TTC3: variants seen among roughly 807,000 people sequenced by gnomAD.
The protein encoded by TTC3 is tetratricopeptide repeat domain 3.
TTC3 carries 180 observed loss-of-function variants against 249.6 expected under a neutral mutation model. The ratio of observed to expected loss-of-function variants is 0.72; its 90% CI spans 0.64 to 0.82. The LOEUF (loss-of-function observed/expected upper bound fraction) is 0.82. Among genes scored for constraint, TTC3 ranks in the 40% least tolerant of loss-of-function variants. The pLI is 0.00. For synonymous variants in TTC3, 717 were observed against 805.0 expected, an observed-to-expected ratio of 0.89 and a Z score of 1.85; for missense variants, 2,061 against 2,398.4, an observed-to-expected ratio of 0.86 and a Z score of 2.94.
chr21:37,096,131 A>G (rs2073919573), intron 9 of TTC3, among the ~76,000 whole-genome samples: 1 of 152,252 alleles, frequency 6.6e-6, no homozygotes, highest in Admixed American at 6.5e-5. Flanking sequence ...GATACGTTTC[A>G]CCACACAGTC....
At chr21:37,132,326 AT>A (rs1048853154) in intron 16 of TTC3, among the ~76,000 whole-genome samples, 11 of 135,422 alleles carry the variant, frequency 8.1e-5, no homozygotes, top group East Asian at 8.1e-4. Flanking sequence ...TTCAGATTCT[AT>A]TTTTTTTCTT....
intron 1 of TTC3, chr21:37,073,408 C>A (rs2070304892): frequency 1.0e-6 from 1 of 986,886 alleles, no homozygotes; most frequent in Non-Finnish European, 1.2e-6. Flanking sequence ...GGATGTGTCA[C>A]CTTGTCCCGC....
rs546979997 is a variant in TTC3, at chr21:37,088,154, A to G, written c.188-42A>G. 33 of 1,473,982 alleles carry G rather than the reference A, an allele frequency of 2.2e-5. No individual in the cohort carries two copies. The East Asian group carries it at 5.7e-4, about 25-fold the overall frequency. 91.3% of individuals were successfully genotyped at this position (1,473,982 alleles called of 1,614,324 possible). On this transcript the variant is annotated intron_variant, in intron 3 of 45. Coordinates refer to ENST00000355666, the Ensembl canonical transcript of TTC3. ...TATTAAGTGTTGATTCATTAAAAAA[A>G]TGAGGCACAAACATTAATTTTAAAC...
At chr21:37,167,673 C>G in intron 34 of TTC3, 53 bp downstream of exon 34, 1 of 1,409,202 alleles carries the variant, frequency 7.1e-7, no homozygotes, top group Non-Finnish European at 9.9e-7. Context: ...ATTAATTTAT[C>G]TAGATGGAAT....
At chr21:37,150,263 G>T in intron 24 of TTC3, 93 bp downstream of exon 24, 1 of 897,654 alleles carries the variant, frequency 1.1e-6, no homozygotes, top group Non-Finnish European at 1.8e-6. Flanking sequence ...CATGTAATTT[G>T]GATCTTTTCC....
intron 8 of TTC3, among the ~76,000 whole-genome samples, chr21:37,094,850 G>A (rs184183728): frequency 9.0e-4 from 137 of 152,136 alleles, no homozygotes; most frequent in Non-Finnish European, 1.1e-3. Flanking sequence ...TATATATACC[G>A]AGGCTGCACA....
At chr21:37,135,829 GT>G (rs2077882518) in intron 18 of TTC3, among the ~76,000 whole-genome samples, 3 of 152,110 alleles carry the variant, frequency 2.0e-5, no homozygotes, top group Non-Finnish European at 4.4e-5. Flanking sequence ...GGCACACCTC[GT>G]TTCATTATGC....
At chr21:37,088,856 A>G in exon 5 of TTC3, 1 of 1,613,820 alleles carries the variant, frequency 6.2e-7, no homozygotes, top group Middle Eastern at 1.7e-4. Flanking sequence ...AGTTGATGGA[A>G]GATATTGTGG....
intron 34 of TTC3, among the ~76,000 whole-genome samples, chr21:37,168,604 A>G (rs2148088815): frequency 6.6e-6 from 1 of 152,318 alleles, no homozygotes; most frequent in African/African-American, 2.4e-5. Flanking sequence ...CTTGGATAAG[A>G]ACACATATTA....
intron 35 of TTC3, 61 bp downstream of exon 35, chr21:37,172,805 A>C: frequency 1.3e-6 from 2 of 1,583,064 alleles, no homozygotes; most frequent in Non-Finnish European, 1.7e-6. Flanking sequence ...ATGTGAGTGT[A>C]GCTGTGCTTG....
chr21:37,195,855 G>A (rs771066117), exon 42 of TTC3: 2 of 1,614,256 alleles, frequency 1.2e-6, no homozygotes, highest in South Asian at 2.2e-5. Context: ...TGGTCAGCCT[G>A]AAGCCACTCA....
At chr21:37,099,357 G>A (rs548450692) in intron 10 of TTC3, among the ~76,000 whole-genome samples, 17 of 152,194 alleles carry the variant, frequency 1.1e-4, no homozygotes, top group Non-Finnish European at 1.8e-4. Flanking sequence ...TTTTACAGAT[G>A]ATGAAACAGG....
exon 3 of TTC3, chr21:37,087,870 A>G (rs1016159386): frequency 3.1e-6 from 5 of 1,597,848 alleles, no homozygotes; most frequent in Non-Finnish European, 4.3e-6. Context: ...AGTGAGAGGA[A>G]TTTGGGTGAG....
intron 1 of TTC3, chr21:37,073,442 G>C (rs2070310009): frequency 1.0e-6 from 1 of 986,514 alleles, no homozygotes; most frequent in African/African-American, 1.7e-5. Context: ...CCGGGGGAGC[G>C]GGGCCTTCCA....
At chr21:37,112,512 A>G (rs1442746997) in intron 11 of TTC3, among the ~76,000 whole-genome samples, 2 of 152,252 alleles carry the variant, frequency 1.3e-5, no homozygotes, top group African/African-American at 4.8e-5. Context: ...ATCTCTGAAT[A>G]GACCAATAAC....
intron 11 of TTC3, among the ~76,000 whole-genome samples, chr21:37,109,266 G>A (rs111835227): frequency 2.0e-5 from 3 of 152,278 alleles, no homozygotes; most frequent in African/African-American, 7.2e-5. Context: ...GGTGAGGCAT[G>A]GCCTCACCGG....
intron 27 of TTC3, 137 bp downstream of exon 27, chr21:37,153,414 T>C (rs569632168): frequency 4.6e-6 from 4 of 876,046 alleles, no homozygotes; most frequent in Non-Finnish European, 4.9e-6. Context: ...TAAGAATACT[T>C]TTCCAGTCCC....
At position 37,185,623 on chromosome 21, in the gene TTC3, G is replaced by C. The variant is rs573256393; in HGVS notation, c.4758-83G>C. Reference sequence around the variant, plus strand: ...TTAAAAAATCAAGAAATGTTTTTAAGGATATGGGTGCAATTTACTGTGTGG... The same window carrying C: ...TTAAAAAATCAAGAAATGTTTTTAACGATATGGGTGCAATTTACTGTGTGG... On this transcript the variant is annotated intron_variant, in intron 36 of 45. Transcript: ENST00000355666. 137 of 640,164 alleles carry C rather than the reference G, an allele frequency of 2.1e-4. No individual in the cohort carries two copies. The East Asian group carries it at 4.6e-3, about 22-fold the overall frequency. The allele number at this position is 640,164 out of a possible 1,614,324, so 39.7% of individuals were successfully genotyped here. A position where few individuals can be genotyped will look rare whatever the true frequency, so the allele number is the denominator to read the frequency against.
chr21:37,199,546 A>G (rs1193657970), intron 44 of TTC3, among the ~76,000 whole-genome samples: 1 of 152,016 alleles, frequency 6.6e-6, no homozygotes, highest in African/African-American at 2.4e-5. Context: ...CCCGACACCA[A>G]CCCTGCCCAT....
Sources: gnomAD v4.1 joint callset for allele counts (sites outside exome capture counted in the v4.1 genomes callset) on GRCh38, gnomAD v4.1.1 for gene constraint, MANE v1.5 for transcripts, NCBI Gene and HGNC (gene_info 2026-07-23, HGNC 2026-07-21) for gene names.